CDH13: variants seen among roughly 807,000 people sequenced by gnomAD.
The protein encoded by CDH13 is cadherin 13.
In CDH13, 24 loss-of-function variants were observed where a neutral mutation model predicts 63.8. That is an observed-to-expected ratio of 0.38 (90% CI 0.27 to 0.53). The LOEUF is 0.53. CDH13 is among the 20% of genes least tolerant of loss of function. The pLI, the probability that CDH13 is intolerant of heterozygous loss-of-function variation, is 0.85. For synonymous variants in CDH13, 503 were observed against 355.3 expected (o/e 1.42, Z -4.67); for missense variants, 1,049 against 903.1 (o/e 1.16, Z -2.07).
chr16:83,371,870 G>A (rs992475043), intron 6 of CDH13, among the ~76,000 whole-genome samples: 9 of 152,136 alleles, frequency 5.9e-5, no homozygotes, highest in Admixed American at 5.9e-4. Flanking sequence ...GAAGATTAGA[G>A]CAATGTATTT....
chr16:82,721,509 G>T (rs1469641254), intron 1 of CDH13, among the ~76,000 whole-genome samples: 3 of 152,134 alleles, frequency 2.0e-5, no homozygotes, highest in Non-Finnish European at 2.9e-5. Context: ...ACCCAGTGAG[G>T]CTAGAGTGGA....
At chr16:83,028,804 T>A (rs1388285011) in intron 2 of CDH13, among the ~76,000 whole-genome samples, 2 of 152,184 alleles carry the variant, frequency 1.3e-5, no homozygotes, top group Non-Finnish European at 2.9e-5. Flanking sequence ...TGACCATGGG[T>A]ATCTGGAATT....
intron 5 of CDH13, among the ~76,000 whole-genome samples, chr16:83,325,538 G>T (rs559031846): frequency 6.6e-6 from 1 of 152,190 alleles, no homozygotes. Flanking sequence ...TTTCTAGCAC[G>T]AGAGAAGCCG....
intron 4 of CDH13, among the ~76,000 whole-genome samples, chr16:83,198,297 A>T (rs1013126295): frequency 6.6e-6 from 1 of 150,888 alleles, no homozygotes; most frequent in African/African-American, 2.5e-5. Context: ...CTGTACTCCA[A>T]ATGTAACACT....
intron 10 of CDH13, among the ~76,000 whole-genome samples, chr16:83,709,996 A>T (rs1039502798): frequency 3.9e-5 from 6 of 152,212 alleles, no homozygotes; most frequent in Non-Finnish European, 8.8e-5. Context: ...CTATTTTTAG[A>T]TGATTGAATT....
At position 82,758,625 on chromosome 16, in the gene CDH13, G is replaced by C. The variant is rs114255145; in HGVS notation, c.46-99737G>C. Among the ~76,000 whole-genome samples, 473 of 152,268 alleles carry C rather than the reference G, an allele frequency of 3.1e-3. 2 individuals are homozygous for C. The highest frequency in any genetic ancestry group is 0.014 in the Middle Eastern group (4 of 294). On this transcript the variant is annotated intron_variant, in intron 1 of 13. Transcript: ENST00000567109. ...GCAGCCTCTAGAGGAGAGGTCACGC[G>C]GCACAGAATATGGCCGCCTATGCTT...
At chr16:83,002,602 A>G (rs1279698368) in intron 2 of CDH13, among the ~76,000 whole-genome samples, 2 of 152,230 alleles carry the variant, frequency 1.3e-5, no homozygotes, top group Non-Finnish European at 2.9e-5. Flanking sequence ...GACAGGCAAT[A>G]AACAAATAAA....
At chr16:83,179,170 G>T (rs1004297023) in intron 4 of CDH13, among the ~76,000 whole-genome samples, 23 of 152,196 alleles carry the variant, frequency 1.5e-4, no homozygotes, top group Admixed American at 1.3e-3. Context: ...GGAGTTCAGG[G>T]ATTCCAGGAA....
chr16:82,672,339 G>C (rs9938220), intron 1 of CDH13, among the ~76,000 whole-genome samples: 15 of 152,002 alleles, frequency 9.9e-5, no homozygotes, highest in Non-Finnish European at 2.1e-4. Context: ...CTGAGCATCC[G>C]ACTTAGAAGT....
intron 2 of CDH13, among the ~76,000 whole-genome samples, chr16:83,018,038 T>A (rs533410640): frequency 4.6e-5 from 7 of 152,294 alleles, no homozygotes; most frequent in South Asian, 2.1e-4. Context: ...TTTTGCATTT[T>A]AAAAAAATAC....
At chr16:83,430,882 A>G (rs1052106607) in intron 6 of CDH13, among the ~76,000 whole-genome samples, 2 of 151,824 alleles carry the variant, frequency 1.3e-5, no homozygotes, top group East Asian at 1.9e-4. Flanking sequence ...TTAGTTACAT[A>G]TGTATGCATG....
intron 4 of CDH13, among the ~76,000 whole-genome samples, chr16:83,162,791 G>A (rs1167944032): frequency 6.6e-6 from 1 of 152,058 alleles, no homozygotes; most frequent in Admixed American, 6.6e-5. Context: ...AAACTCCCCA[G>A]GTGATTTCAA....
At chr16:83,519,755 A>G (rs1192294993) in intron 7 of CDH13, among the ~76,000 whole-genome samples, 1 of 152,216 alleles carries the variant, frequency 6.6e-6, no homozygotes, top group Non-Finnish European at 1.5e-5. Flanking sequence ...AGGTGCCTCA[A>G]TACAAGCAGC....
chr16:83,159,503 G>C (rs2037355204), intron 4 of CDH13, among the ~76,000 whole-genome samples: 1 of 152,164 alleles, frequency 6.6e-6, no homozygotes, highest in Non-Finnish European at 1.5e-5. Flanking sequence ...AAGATAAATA[G>C]GTTGTTGGAG....
rs552371976 is a variant in CDH13 at position 83,755,514 on chromosome 16, C to G, written c.1681+7264C>G. ...ACACACCTCAAACACTGAAATCAAA[C>G]TGATGAAAAACAATATCAAAGAGAA... On this transcript the variant is annotated intron_variant, in intron 11 of 13. Transcript: ENST00000567109. Among the ~76,000 whole-genome samples, 5 of 152,210 alleles carry G rather than the reference C, an allele frequency of 3.3e-5. No individual in the cohort carries two copies. In the South Asian group the frequency reaches 1.0e-3, roughly 32 times the overall value.
intron 2 of CDH13, among the ~76,000 whole-genome samples, chr16:82,961,377 G>A (rs752134941): frequency 1.2e-4 from 19 of 152,144 alleles, no homozygotes; most frequent in Admixed American, 9.2e-4. Context: ...GAGAGAGGAA[G>A]TAATATGTTG....
chr16:82,881,634 A>G (rs1266582109), intron 2 of CDH13, among the ~76,000 whole-genome samples: 1 of 152,180 alleles, frequency 6.6e-6, no homozygotes, highest in Non-Finnish European at 1.5e-5. Context: ...GAAAAGGAAT[A>G]CAACAGGCAC....
At chr16:83,432,038 A>G (rs1245143437) in intron 6 of CDH13, among the ~76,000 whole-genome samples, 1 of 152,176 alleles carries the variant, frequency 6.6e-6, no homozygotes, top group Non-Finnish European at 1.5e-5. Context: ...GGGGAGAAAC[A>G]GAGAAACCAG....
chr16:83,156,637 A>T (rs1442670106), intron 4 of CDH13, among the ~76,000 whole-genome samples: 2 of 152,180 alleles, frequency 1.3e-5, no homozygotes, highest in Non-Finnish European at 2.9e-5. Context: ...CCCTAATAGG[A>T]CTACATCAAG....
Sources: allele counts gnomAD v4.1 joint callset (sites outside exome capture counted in the v4.1 genomes callset), GRCh38; gene constraint gnomAD v4.1.1; transcripts MANE v1.5; gene names NCBI Gene and HGNC (gene_info 2026-07-23, HGNC 2026-07-21).